The following BNC2 variants were observed in gnomAD, a reference collection of about 807,000 sequenced individuals.
BNC2 encodes the protein basonuclin zinc finger protein 2.
In BNC2, 20 loss-of-function variants were observed where a neutral mutation model predicts 76.3. The observed-to-expected ratio is 0.26, with a 90% CI of 0.18 to 0.38. The LOEUF is 0.38. Among genes scored for constraint, BNC2 ranks in the 10% least tolerant of loss-of-function variants. The probability of loss-of-function intolerance (pLI) is 1.00; values close to 1 mark genes in which losing one functional copy is unlikely to be tolerated. For synonymous variants in BNC2, 582 were observed against 514.8 expected, an observed-to-expected ratio of 1.13 and a Z score of -1.77; for missense variants, 1,382 against 1,399.8, an observed-to-expected ratio of 0.99 and a Z score of 0.20.
intron 5 of BNC2, among the ~76,000 whole-genome samples, chr9:16,486,179 A>C (rs1439838762): frequency 6.6e-6 from 1 of 152,188 alleles, no homozygotes; most frequent in Non-Finnish European, 1.5e-5. Flanking sequence ...GAGTCAAAAC[A>C]ACCTGCCATA....
At chr9:16,500,761 T>C (rs952723643) in intron 5 of BNC2, among the ~76,000 whole-genome samples, 3 of 152,152 alleles carry the variant, frequency 2.0e-5, no homozygotes, top group South Asian at 2.1e-4. Context: ...AGTGGCAAAA[T>C]AGGACACACC....
At chr9:16,535,476 C>CT (rs1374077060) in intron 5 of BNC2, among the ~76,000 whole-genome samples, 1 of 152,068 alleles carries the variant, frequency 6.6e-6, no homozygotes, top group Admixed American at 6.6e-5. Flanking sequence ...CTATGAGCAC[C>CT]TTTTTTTCTC....
At chr9:16,832,832 T>C (rs1026999363) in intron 1 of BNC2, among the ~76,000 whole-genome samples, 3 of 152,040 alleles carry the variant, frequency 2.0e-5, no homozygotes, top group Admixed American at 6.5e-5. Context: ...TTCAAGCGAT[T>C]CTCCTGCCTC....
chr9:16,425,593 A>G (rs1820789148), intron 6 of BNC2, among the ~76,000 whole-genome samples: 1 of 152,200 alleles, frequency 6.6e-6, no homozygotes, highest in Non-Finnish European at 1.5e-5. Flanking sequence ...CGAAATCACC[A>G]AATTTGTTTA....
intron 4 of BNC2, among the ~76,000 whole-genome samples, chr9:16,559,444 G>A (rs1337311728): frequency 6.6e-6 from 1 of 152,180 alleles, no homozygotes; most frequent in Non-Finnish European, 1.5e-5. Context: ...TACAAACACA[G>A]TATTATTATT....
chr9:16,537,429 A>G (rs1285244662), intron 5 of BNC2, among the ~76,000 whole-genome samples: 1 of 152,146 alleles, frequency 6.6e-6, no homozygotes. Flanking sequence ...CAAAAAAAGA[A>G]CCACATATCC....
chr9:16,689,250 C>T (rs1823077657), intron 3 of BNC2, among the ~76,000 whole-genome samples: 2 of 151,184 alleles, frequency 1.3e-5, no homozygotes, highest in African/African-American at 2.4e-5. Context: ...TGGGAGCTAC[C>T]GTTGAAAATA....
intron 1 of BNC2, among the ~76,000 whole-genome samples, chr9:16,849,675 T>C (rs1407686969): frequency 6.6e-6 from 1 of 152,074 alleles, no homozygotes; most frequent in African/African-American, 2.4e-5. Flanking sequence ...AAAATTTGCA[T>C]TTTACGCTGT....
chr9:16,671,318 G>A (rs140830416), intron 3 of BNC2, among the ~76,000 whole-genome samples: 77 of 152,242 alleles, frequency 5.1e-4, no homozygotes, highest in African/African-American at 1.8e-3. Context: ...CAAAATGAAC[G>A]AAAAGGTGAA....
chr9:16,573,303 A>AAGTAAAAT (rs1185380425), intron 4 of BNC2, among the ~76,000 whole-genome samples: 1 of 152,162 alleles, frequency 6.6e-6, no homozygotes, highest in Admixed American at 6.5e-5. Context: ...TTCTAGTTTC[A>AAGTAAAAT]AGTAAAATAG....
chr9:16,682,703 T>C (rs1822860578), intron 3 of BNC2, among the ~76,000 whole-genome samples: 1 of 152,202 alleles, frequency 6.6e-6, no homozygotes, highest in South Asian at 2.1e-4. Flanking sequence ...GTGTCTAATC[T>C]AGTACTGAAA....
intron 5 of BNC2, among the ~76,000 whole-genome samples, chr9:16,551,339 A>C (rs1818656496): frequency 6.6e-6 from 1 of 152,074 alleles, no homozygotes; most frequent in Non-Finnish European, 1.5e-5. Context: ...CCCAGCTAAC[A>C]GCTGGAGGTA....
At chr9:16,866,373 A>G (rs1299954350) in intron 1 of BNC2, among the ~76,000 whole-genome samples, 3 of 151,900 alleles carry the variant, frequency 2.0e-5, no homozygotes, top group Non-Finnish European at 4.4e-5. Flanking sequence ...CAAAACCATC[A>G]TTTACAGAAA....
At chr9:16,804,108 C>G (rs1817848131) in intron 1 of BNC2, among the ~76,000 whole-genome samples, 2 of 152,320 alleles carry the variant, frequency 1.3e-5, no homozygotes, top group Admixed American at 1.3e-4. Flanking sequence ...ACTATACTTA[C>G]AAAATGAAAT....
At chr9:16,823,823 A>G (rs1204588574) in intron 1 of BNC2, among the ~76,000 whole-genome samples, 3 of 152,104 alleles carry the variant, frequency 2.0e-5, no homozygotes, top group South Asian at 4.2e-4. Flanking sequence ...CCCAATAAAA[A>G]CATTCACTGA....
At chr9:16,458,207 G>C (rs1170601378) in intron 5 of BNC2, among the ~76,000 whole-genome samples, 1 of 148,400 alleles carries the variant, frequency 6.7e-6, no homozygotes, top group Non-Finnish European at 1.5e-5. Context: ...GCTCATGGAA[G>C]CCAAGGGACC....
Position 16,738,410 on chromosome 9 carries a change from G to C in BNC2, c.79C>G (p.Pro27Ala). 1.2e-6 allele frequency: 2 copies of C among 1,614,032 alleles called. No homozygotes were observed. The highest frequency in any genetic ancestry group is 2.2e-5 in the South Asian group (2 of 91,054). ...CAACATGGGACCTTGAAATATGCTG[G>C]CCAGTCTTGCTCACTAAGCCTGTCC... Reference protein sequence around the residue: ...SEDRLSEQDWPAYFKVPCCGV... With the variant: ...SEDRLSEQDWAAYFKVPCCGV... Residue 27 changes from proline (P) to alanine (A), a missense_variant, in exon 2 of 7, where the codon CCA becomes GCA. Coordinates refer to ENST00000380672, the MANE Select transcript of BNC2 (RefSeq NM_017637.6).
intron 5 of BNC2, among the ~76,000 whole-genome samples, chr9:16,532,304 C>A (rs1818006437): frequency 6.6e-6 from 1 of 151,714 alleles, no homozygotes. Flanking sequence ...TTTCCCTGTC[C>A]TTTTATTAAA....
At chr9:16,675,884 C>G (rs183910949) in intron 3 of BNC2, among the ~76,000 whole-genome samples, 11 of 152,104 alleles carry the variant, frequency 7.2e-5, no homozygotes, top group African/African-American at 2.7e-4. Flanking sequence ...CTCAGCTACC[C>G]ATGTGAAATT....
Sources: allele counts gnomAD v4.1 joint callset (sites outside exome capture counted in the v4.1 genomes callset), GRCh38; gene constraint gnomAD v4.1.1; transcripts MANE v1.5; gene names NCBI Gene and HGNC (gene_info 2026-07-23, HGNC 2026-07-21).